SYTL3: variants seen among roughly 807,000 people sequenced by gnomAD.
SYTL3 encodes the protein synaptotagmin-like protein 3.
Under a neutral mutation model 82.1 loss-of-function variants are expected in SYTL3, and 88 were observed. The observed-to-expected ratio is 1.07, with a 90% CI of 0.90 to 1.28. The LOEUF (loss-of-function observed/expected upper bound fraction) is 1.28, where lower values mean the gene tolerates loss of function less well. SYTL3 is among the 50% of genes most tolerant of loss of function. The probability of loss-of-function intolerance (pLI) is 0.00; values close to 1 mark genes in which losing one functional copy is unlikely to be tolerated. For synonymous variants in SYTL3, 311 were observed against 289.4 expected, an observed-to-expected ratio of 1.07 and a Z score of -0.76; for missense variants, 831 against 757.6, an observed-to-expected ratio of 1.10 and a Z score of -1.14.
At chr6:158,764,403 A>C (rs1790483127) in intron 17 of SYTL3, 92 bp from the exon 18 acceptor site, 1 of 972,372 alleles carries the variant, frequency 1.0e-6, no homozygotes, top group Admixed American at 2.0e-5. Context: ...TTGAGGTGAA[A>C]AACTTCTGGC....
intron 1 of SYTL3, among the ~76,000 whole-genome samples, 173 bp downstream of exon 1, chr6:158,650,251 A>G (rs1027078149): frequency 6.6e-6 from 1 of 152,250 alleles, no homozygotes; most frequent in Non-Finnish European, 1.5e-5. Context: ...ATTGAATAAC[A>G]TACATTTAAC....
chr6:158,674,085 AAATAAT>A lies in SYTL3; in HGVS notation c.329+8503_329+8508del, dbSNP rs71298903. Among the ~76,000 whole-genome samples, 358 of 126,044 alleles carry A rather than the reference AAATAAT, an allele frequency of 2.8e-3. 2 individuals carry two copies. The highest frequency in any genetic ancestry group is 5.3e-3 in the African/African-American group (187 of 35,196). The allele number at this position is 126,044 out of a possible 152,430, so 82.7% of individuals were successfully genotyped here. ...GGCAACATAGTGAGACTGTGTCTCA[AAATAAT>A]AATAATAATAATAATAATAATAATA... is the stretch of plus-strand genomic sequence containing the variant. On this transcript the variant is annotated intron_variant, in intron 5 of 17. Coordinates refer to ENST00000611299, the MANE Select transcript of SYTL3 (RefSeq NM_001242394.2).
chr6:158,720,004 G>A (rs1022477034), intron 10 of SYTL3, among the ~76,000 whole-genome samples: 1 of 152,154 alleles, frequency 6.6e-6, no homozygotes, highest in Non-Finnish European at 1.5e-5. Context: ...TGGGAGGATC[G>A]CTTGAGCCCA....
At chr6:158,669,978 A>G (rs1407696637) in intron 5 of SYTL3, among the ~76,000 whole-genome samples, 1 of 152,206 alleles carries the variant, frequency 6.6e-6, no homozygotes, top group Non-Finnish European at 1.5e-5. Context: ...TGTTGTTGTC[A>G]TTCAGCATTT....
At chr6:158,708,524 C>A in intron 8 of SYTL3, 133 bp downstream of exon 8, 1 of 833,702 alleles carries the variant, frequency 1.2e-6, no homozygotes, top group Non-Finnish European at 2.0e-6. Flanking sequence ...TGGAGCGGGT[C>A]ACAAAGCGGG....
At chr6:158,663,642 C>G (rs1162037496) in intron 4 of SYTL3, 5 of 978,996 alleles carry the variant, frequency 5.1e-6, no homozygotes, top group Non-Finnish European at 6.1e-6. Flanking sequence ...TTGCTGTCTG[C>G]CATCTGCTTG....
At chr6:158,709,117 C>T (rs1782460443) in intron 8 of SYTL3, among the ~76,000 whole-genome samples, 1 of 152,124 alleles carries the variant, frequency 6.6e-6, no homozygotes, top group Non-Finnish European at 1.5e-5. Context: ...CCTGTAGTCC[C>T]AGCTACTCTG....
chr6:158,690,779 C>A (rs925052140), intron 6 of SYTL3, among the ~76,000 whole-genome samples: 1 of 152,104 alleles, frequency 6.6e-6, no homozygotes, highest in African/African-American at 2.4e-5. Context: ...AAAATAATTT[C>A]TTTGATGCCA....
chr6:158,668,665 A>G (rs1466950336), intron 5 of SYTL3, among the ~76,000 whole-genome samples: 2 of 152,212 alleles, frequency 1.3e-5, no homozygotes, highest in Non-Finnish European at 2.9e-5. Flanking sequence ...GGAGAGCGGA[A>G]GGTAAAGGTA....
chr6:158,741,210 C>T (rs969901280), intron 11 of SYTL3, among the ~76,000 whole-genome samples: 1 of 152,096 alleles, frequency 6.6e-6, no homozygotes, highest in Non-Finnish European at 1.5e-5. Flanking sequence ...TGGGATTACA[C>T]AGGTGTGCAC....
chr6:158,757,351 G>T lies in SYTL3; in HGVS notation c.1278G>T (p.Gln426His), dbSNP rs760605645. Residue 426 changes from glutamine to histidine, a missense_variant, in exon 14 of 18, where the codon CAG (glutamine) becomes CAT (histidine). Coordinates refer to ENST00000611299, the MANE Select transcript of SYTL3 (RefSeq NM_001242394.2). The part of the protein sequence containing the change: ...ATWDFEDSTT[Q>H]SFRWHPLRAK... ...GGGACTTTGAAGACAGCACAACACA[G>T]TCCTTCCGCTGGCATCCGCTCCGGG... is the stretch of plus-strand genomic sequence containing the variant. 6.2e-7 allele frequency: 1 copy of T among 1,614,106 alleles called. No individual in the cohort carries two copies. The highest frequency in any genetic ancestry group is 8.5e-7 in the Non-Finnish European group (1 of 1,180,026).
chr6:158,667,531 C>A (rs1790221473), intron 5 of SYTL3, among the ~76,000 whole-genome samples: 1 of 152,158 alleles, frequency 6.6e-6, no homozygotes, highest in Non-Finnish European at 1.5e-5. Context: ...CTCTTTAGGA[C>A]CAAAAGAAAG....
chr6:158,688,525 G>A (rs1200391545), intron 6 of SYTL3, among the ~76,000 whole-genome samples: 1 of 152,170 alleles, frequency 6.6e-6, no homozygotes, highest in African/African-American at 2.4e-5. Flanking sequence ...CATTTTGGGA[G>A]GTCAAAGCAG....
intron 5 of SYTL3, 124 bp downstream of exon 5, chr6:158,665,737 C>T (rs544972058): frequency 1.2e-5 from 8 of 647,234 alleles, no homozygotes; most frequent in Admixed American, 3.1e-5. Context: ...TACCGAGTGC[C>T]TGATAGGGAG....
chr6:158,665,373 T>C, intron 4 of SYTL3, 22 bp from the exon 5 acceptor site: 3 of 1,558,112 alleles, frequency 1.9e-6, no homozygotes, highest in Non-Finnish European at 2.6e-6. Context: ...AATACTATCT[T>C]CTTTAACTCT....
intron 2 of SYTL3, among the ~76,000 whole-genome samples, chr6:158,658,241 A>G (rs1037656220): frequency 2.0e-5 from 3 of 152,218 alleles, no homozygotes; most frequent in Admixed American, 6.5e-5. Flanking sequence ...CCTGCAAAAT[A>G]TACTTTTAAA....
intron 11 of SYTL3, 58 bp downstream of exon 11, chr6:158,725,695 C>T: frequency 1.9e-6 from 3 of 1,586,888 alleles, no homozygotes; most frequent in East Asian, 2.2e-5. Flanking sequence ...TTTTGGAAAG[C>T]ATAATGTACA....
At position 158,665,395 on chromosome 6, in the gene SYTL3, GA is replaced by G. The variant is rs1562349773; in HGVS notation, c.114del (p.Lys38AsnfsTer2). 6.3e-7 allele frequency: 1 copy of G among 1,581,132 alleles called. No individual in the cohort carries two copies. The highest frequency in any genetic ancestry group is 8.6e-7 in the Non-Finnish European group (1 of 1,163,254). ...TCTTCTTTAACTCTGAGGGCTGCAG[GA>G]AACTGAAAACACACCTGCAGCATCT... Reference protein sequence around the residue: ...VQNTEEERTRKLKTHLQHLRW... With the variant: ...VQNTEEERTRXLKTHLQHLRW... On this transcript the variant is annotated frameshift_variant and splice_region_variant, in exon 5 of 18. Coordinates refer to ENST00000611299, the MANE Select transcript of SYTL3 (RefSeq NM_001242394.2). LOFTEE classifies it high-confidence loss of function.
chr6:158,665,446 G>T lies in SYTL3; in HGVS notation c.162G>T (p.Thr54=). 1 of 1,608,788 alleles carries T rather than the reference G, an allele frequency of 6.2e-7. No homozygotes were observed. Among genetic ancestry groups the T allele is most frequent in the Non-Finnish European group, 8.5e-7 (1 of 1,177,658 alleles). ...TCCGGTGGAAAGGAGCGAAGAACACGGACTGGGAGCACAAAGAGAAGTGCT... is the reference window on the plus strand; with the variant it reads ...TCCGGTGGAAAGGAGCGAAGAACACTGACTGGGAGCACAAAGAGAAGTGCT... ...QHLRWKGAKN[T]DWEHKEKCCA... The change falls in exon 5 of 18, where the codon ACG becomes ACT. Residue 54 remains threonine (T), a synonymous_variant. Transcript: ENST00000611299.
Sources: allele counts gnomAD v4.1 joint callset (sites outside exome capture counted in the v4.1 genomes callset), GRCh38; gene constraint gnomAD v4.1.1; transcripts MANE v1.5; gene names NCBI Gene and HGNC (gene_info 2026-07-23, HGNC 2026-07-21).